FBXL7: variants seen among roughly 807,000 people sequenced by gnomAD.
The protein encoded by FBXL7 is F-box and leucine rich repeat protein 7.
A neutral mutation model predicts 38.3 loss-of-function variants in FBXL7; 12 were observed. That is an observed-to-expected ratio of 0.31 (90% CI 0.20 to 0.51). FBXL7 has a LOEUF of 0.51. Among genes scored for constraint, FBXL7 ranks in the 20% least tolerant of loss-of-function variants. The pLI is 0.98. For missense variants in FBXL7, 567 were observed against 676.4 expected (o/e 0.84, Z 1.79); for synonymous variants, 297 against 300.9 (o/e 0.99, Z 0.13).
chr5:15,576,058 C>T (rs531008382), intron 1 of FBXL7, among the ~76,000 whole-genome samples: 36 of 146,876 alleles, frequency 2.5e-4, no homozygotes, highest in Admixed American at 2.0e-3. Flanking sequence ...TAATGGTTGC[C>T]AGAGAATCTC....
intron 2 of FBXL7, among the ~76,000 whole-genome samples, chr5:15,857,552 C>T (rs1044891222): frequency 2.6e-5 from 4 of 152,114 alleles, no homozygotes; most frequent in African/African-American, 9.7e-5. Flanking sequence ...TAAGTTGTTT[C>T]CAAGAGGTAT....
chr5:15,770,495 C>T (rs888522677), intron 2 of FBXL7, among the ~76,000 whole-genome samples: 3 of 152,124 alleles, frequency 2.0e-5, no homozygotes, highest in Admixed American at 6.5e-5. Flanking sequence ...AACTTACGAC[C>T]GTGAGGCAGA....
intron 2 of FBXL7, among the ~76,000 whole-genome samples, chr5:15,829,144 A>G (rs1738389084): frequency 1.3e-5 from 2 of 152,178 alleles, no homozygotes; most frequent in Admixed American, 1.3e-4. Context: ...TTAAGTGACA[A>G]TGGATTTTCA....
chr5:15,699,363 T>C (rs1395690269), intron 2 of FBXL7, among the ~76,000 whole-genome samples: 1 of 152,202 alleles, frequency 6.6e-6, no homozygotes, highest in African/African-American at 2.4e-5. Context: ...TCCTAGCTTC[T>C]AGTGGTGGTT....
chr5:15,517,843 C>T (rs1194733781), intron 1 of FBXL7, among the ~76,000 whole-genome samples: 1 of 152,176 alleles, frequency 6.6e-6, no homozygotes, highest in African/African-American at 2.4e-5. Flanking sequence ...ATTGACATCT[C>T]AGCTTCATCC....
chr5:15,565,984 G>C (rs1738561430), intron 1 of FBXL7, among the ~76,000 whole-genome samples: 1 of 152,018 alleles, frequency 6.6e-6, no homozygotes, highest in Non-Finnish European at 1.5e-5. Flanking sequence ...GGCACTCCAT[G>C]GCCCAACATG....
chr5:15,733,635 A>G (rs1441241004), intron 2 of FBXL7, among the ~76,000 whole-genome samples: 1 of 152,204 alleles, frequency 6.6e-6, no homozygotes, highest in African/African-American at 2.4e-5. Context: ...AGTCTGACAT[A>G]AATATAACGT....
chr5:15,899,565 A>G (rs1741185267), intron 2 of FBXL7, among the ~76,000 whole-genome samples: 1 of 152,146 alleles, frequency 6.6e-6, no homozygotes, highest in Admixed American at 6.5e-5. Context: ...AAATCAAGAA[A>G]CCAAACCAAA....
chr5:15,577,534 A>T (rs1306065013), intron 1 of FBXL7, among the ~76,000 whole-genome samples: 1 of 151,892 alleles, frequency 6.6e-6, no homozygotes, highest in Non-Finnish European at 1.5e-5. Context: ...AGTAAATTAA[A>T]ATATATTCTA....
intron 2 of FBXL7, among the ~76,000 whole-genome samples, chr5:15,622,265 A>T (rs1008585092): frequency 1.3e-5 from 2 of 150,722 alleles, no homozygotes; most frequent in Admixed American, 6.6e-5. Context: ...ATTTTATTTT[A>T]TTTTTTATTT....
In FBXL7 at chr5:15,937,688, T is replaced by C. The variant is rs571950635; in HGVS notation, c.*502T>C. The C allele has an allele frequency of 4.1e-4, 65 of 158,002 alleles. 2 individuals are homozygous for C. In the South Asian group the frequency reaches 9.8e-3, roughly 24 times the overall value. The allele number at this position is 158,002 out of a possible 1,614,324, so 9.8% of individuals were successfully genotyped here. A position where few individuals can be genotyped will look rare whatever the true frequency, so the allele number is the denominator to read the frequency against. On this transcript the variant is annotated 3_prime_UTR_variant, in exon 4 of 4. Coordinates refer to ENST00000504595, the MANE Select transcript of FBXL7 (RefSeq NM_012304.5). ...TTCAATCCCACACCCATGGACATTCTTGTCAACTCAATACCATAGCACTTT... is the reference window on the plus strand; with the variant it reads ...TTCAATCCCACACCCATGGACATTCCTGTCAACTCAATACCATAGCACTTT...
intron 2 of FBXL7, among the ~76,000 whole-genome samples, chr5:15,924,101 A>C (rs1260880600): frequency 6.6e-6 from 1 of 152,218 alleles, no homozygotes; most frequent in Non-Finnish European, 1.5e-5. Context: ...ATAATAATGA[A>C]GGTGGGTACC....
intron 1 of FBXL7, among the ~76,000 whole-genome samples, chr5:15,595,820 G>C (rs947027907): frequency 4.6e-5 from 7 of 152,166 alleles, no homozygotes; most frequent in African/African-American, 1.2e-4. Flanking sequence ...GATGTGGTGT[G>C]GTGGTGAGGT....
Position 15,871,717 on chromosome 5 carries a change from T to A in FBXL7, c.128-56173T>A, listed in dbSNP as rs375987251. On this transcript the variant is annotated intron_variant, in intron 2 of 3. Coordinates refer to ENST00000504595, the MANE Select transcript of FBXL7 (RefSeq NM_012304.5). ...AAAGGATATCAGAGATTGAAGATCA[T>A]TAAAGCATGAAGACAAGATTAGAGA... Among the ~76,000 whole-genome samples, 18 of 150,670 alleles carry A rather than the reference T, an allele frequency of 1.2e-4. 1 individual carries two copies. The highest frequency in any genetic ancestry group is 3.4e-4 in the African/African-American group (14 of 41,298).
At chr5:15,700,973 A>C (rs757795357) in intron 2 of FBXL7, among the ~76,000 whole-genome samples, 25 of 151,722 alleles carry the variant, frequency 1.6e-4, no homozygotes, top group Non-Finnish European at 3.2e-4. Flanking sequence ...TTTCAGAAAA[A>C]GTTTTTTTTT....
chr5:15,885,126 A>G (rs2126351373), intron 2 of FBXL7, among the ~76,000 whole-genome samples: 1 of 152,312 alleles, frequency 6.6e-6, no homozygotes, highest in Non-Finnish European at 1.5e-5. Flanking sequence ...GACCAGGGAA[A>G]GATCCACCTG....
At chr5:15,732,196 A>G (rs989779120) in intron 2 of FBXL7, among the ~76,000 whole-genome samples, 21 of 152,240 alleles carry the variant, frequency 1.4e-4, no homozygotes, top group African/African-American at 4.6e-4. Context: ...GTGCTTATTT[A>G]TTCATGTGTA....
At chr5:15,648,861 G>A (rs893016851) in intron 2 of FBXL7, among the ~76,000 whole-genome samples, 2 of 151,206 alleles carry the variant, frequency 1.3e-5, no homozygotes, top group African/African-American at 4.9e-5. Context: ...GTCTCAGACT[G>A]TGCTCTTCGG....
At chr5:15,913,564 T>G (rs1447731223) in intron 2 of FBXL7, among the ~76,000 whole-genome samples, 2 of 152,224 alleles carry the variant, frequency 1.3e-5, no homozygotes, top group Non-Finnish European at 2.9e-5. Flanking sequence ...TGAAAATGTA[T>G]TAGTATCTTT....
Sources: gnomAD v4.1 joint callset for allele counts (sites outside exome capture counted in the v4.1 genomes callset) on GRCh38, gnomAD v4.1.1 for gene constraint, MANE v1.5 for transcripts, NCBI Gene and HGNC (gene_info 2026-07-23, HGNC 2026-07-21) for gene names.